RFX3: variants seen among roughly 807,000 people sequenced by gnomAD.
RFX3 encodes the protein regulatory factor X3.
A neutral mutation model predicts 98.6 loss-of-function variants in RFX3; 14 were observed. The ratio of observed to expected loss-of-function variants is 0.14; its 90% CI spans 0.09 to 0.22. The LOEUF (loss-of-function observed/expected upper bound fraction) is 0.22. Ranked by LOEUF, RFX3 falls within the 10% of genes least tolerant of loss-of-function variation. The pLI is 1.00. For synonymous variants in RFX3, 383 were observed against 328.4 expected (o/e 1.17, Z -1.80); for missense variants, 639 against 926.9 (o/e 0.69, Z 4.03).
chr9:3,403,939 C>A (rs1428948603), intron 1 of RFX3, among the ~76,000 whole-genome samples: 3 of 152,080 alleles, frequency 2.0e-5, no homozygotes, highest in East Asian at 1.9e-4. Context: ...ATTATCTTGC[C>A]TACACAAGAA....
chr9:3,287,116 C>A (rs924613169), intron 7 of RFX3, among the ~76,000 whole-genome samples: 1 of 151,864 alleles, frequency 6.6e-6, no homozygotes, highest in Non-Finnish European at 1.5e-5. Flanking sequence ...CTTATCTCTG[C>A]ATGCAGGGCT....
intron 1 of RFX3, among the ~76,000 whole-genome samples, chr9:3,438,544 T>A (rs1845357042): frequency 6.6e-6 from 1 of 151,950 alleles, no homozygotes; most frequent in South Asian, 2.1e-4. Context: ...ATAATAGTAG[T>A]AAATGCCAAT....
At chr9:3,486,735 A>G (rs1850308346) in intron 1 of RFX3, among the ~76,000 whole-genome samples, 1 of 152,238 alleles carries the variant, frequency 6.6e-6, no homozygotes, top group African/African-American at 2.4e-5. Flanking sequence ...AATTTGTAGA[A>G]TGCTATGATT....
intron 2 of RFX3, among the ~76,000 whole-genome samples, chr9:3,365,018 C>T (rs1836885009): frequency 6.6e-6 from 1 of 151,830 alleles, no homozygotes; most frequent in South Asian, 2.1e-4. Flanking sequence ...AAAAAAGTAA[C>T]AGGCCGGGCG....
chr9:3,308,451 G>C (rs1341683594), intron 4 of RFX3, among the ~76,000 whole-genome samples: 1 of 152,158 alleles, frequency 6.6e-6, no homozygotes, highest in African/African-American at 2.4e-5. Flanking sequence ...GGGCAGAAAA[G>C]TGATAAAAGA....
intron 5 of RFX3, among the ~76,000 whole-genome samples, chr9:3,299,954 T>A (rs1214552978): frequency 6.6e-6 from 1 of 151,312 alleles, no homozygotes; most frequent in Non-Finnish European, 1.5e-5. Context: ...GAGTTGAATA[T>A]GAAAGCACAA....
chr9:3,423,051 G>A (rs970077445), intron 1 of RFX3, among the ~76,000 whole-genome samples: 6 of 152,090 alleles, frequency 3.9e-5, no homozygotes, highest in African/African-American at 9.7e-5. Flanking sequence ...TGTTTAGTCC[G>A]ACTAAATGCA....
At chr9:3,302,640 C>T (rs1355874151) in intron 4 of RFX3, among the ~76,000 whole-genome samples, 2 of 151,714 alleles carry the variant, frequency 1.3e-5, no homozygotes, top group Non-Finnish European at 3.0e-5. Flanking sequence ...ATATTTAGAG[C>T]TTTAAAACAT....
chr9:3,503,206 G>C (rs569525035), intron 1 of RFX3, among the ~76,000 whole-genome samples: 2 of 152,238 alleles, frequency 1.3e-5, no homozygotes, highest in African/African-American at 2.4e-5. Flanking sequence ...ACTCACTTCA[G>C]ACATAAATGC....
chr9:3,396,675 T>G (rs1840922446), intron 1 of RFX3, among the ~76,000 whole-genome samples: 1 of 152,180 alleles, frequency 6.6e-6, no homozygotes, highest in African/African-American at 2.4e-5. Context: ...AAAGTGTTCC[T>G]ATTTCTCCAC....
chr9:3,255,684 G>A (rs778161559), intron 14 of RFX3, among the ~76,000 whole-genome samples: 1 of 152,164 alleles, frequency 6.6e-6, no homozygotes, highest in Non-Finnish European at 1.5e-5. Context: ...TAGAGACACT[G>A]ACCTACAAAG....
intron 1 of RFX3, among the ~76,000 whole-genome samples, chr9:3,490,854 G>C (rs1293707611): frequency 6.6e-6 from 1 of 152,018 alleles, no homozygotes; most frequent in Non-Finnish European, 1.5e-5. Flanking sequence ...CAAGGAAGGA[G>C]AATACACAAG....
intron 11 of RFX3, among the ~76,000 whole-genome samples, chr9:3,267,569 G>C (rs1230649996): frequency 6.6e-6 from 1 of 151,836 alleles, no homozygotes; most frequent in Non-Finnish European, 1.5e-5. Context: ...CAAAACTGGA[G>C]AGACGAGATT....
chr9:3,396,639 T>C (rs905415838), intron 1 of RFX3, among the ~76,000 whole-genome samples: 2 of 152,214 alleles, frequency 1.3e-5, no homozygotes, highest in Non-Finnish European at 2.9e-5. Context: ...ATGGTTGAAC[T>C]AGTTTATGGT....
chr9:3,356,807 G>A (rs747914674), intron 2 of RFX3, among the ~76,000 whole-genome samples: 29 of 151,710 alleles, frequency 1.9e-4, no homozygotes, highest in Non-Finnish European at 3.7e-4. Flanking sequence ...ACCCAAGAAT[G>A]CAATGCCAGT....
rs1050564655 is a variant in RFX3 at position 3,525,950 on chromosome 9, G to C, written c.-212C>G. 1.4e-6 allele frequency: 1 copy of C among 705,300 alleles called. No homozygotes were observed. Among genetic ancestry groups the C allele is most frequent in the Non-Finnish European group, 1.7e-6 (1 of 578,064 alleles). The allele number at this position is 705,300 out of a possible 1,614,324, so 43.7% of individuals were successfully genotyped here. ...AAAGAGAGAGAGAGAGGGAGAGAGA[G>C]AGAGAGCGAGAGGGAGAGGGAGACA... On this transcript the variant is annotated 5_prime_UTR_variant, in exon 1 of 17. Coordinates refer to ENST00000617270, the MANE Select transcript of RFX3 (RefSeq NM_001282116.2).
chr9:3,319,076 A>G (rs1420528933), intron 4 of RFX3, among the ~76,000 whole-genome samples: 4 of 152,250 alleles, frequency 2.6e-5, no homozygotes, highest in Admixed American at 2.6e-4. Flanking sequence ...TTTAAACTCC[A>G]TCTTACATTT....
At chr9:3,417,171 G>T (rs1318204449) in intron 1 of RFX3, among the ~76,000 whole-genome samples, 1 of 151,964 alleles carries the variant, frequency 6.6e-6, no homozygotes, top group Non-Finnish European at 1.5e-5. Context: ...AAATGTTTAT[G>T]TACCTATTGT....
At chr9:3,364,492 T>G (rs994023490) in intron 2 of RFX3, 1 of 215,790 alleles carries the variant, frequency 4.6e-6, no homozygotes, top group Middle Eastern at 1.6e-3. Flanking sequence ...TCCAACTGTA[T>G]AGATCTCATG....
Sources: allele counts gnomAD v4.1 joint callset (sites outside exome capture counted in the v4.1 genomes callset), GRCh38; gene constraint gnomAD v4.1.1; transcripts MANE v1.5; gene names NCBI Gene and HGNC (gene_info 2026-07-23, HGNC 2026-07-21).